The following STPG2 variants were observed in gnomAD, a reference collection of about 807,000 sequenced individuals.
STPG2 encodes the protein sperm tail PG-rich repeat containing 2.
Under a neutral mutation model 54.2 loss-of-function variants are expected in STPG2, and 56 were observed. The ratio of observed to expected loss-of-function variants is 1.03; its 90% CI spans 0.83 to 1.29. The LOEUF (loss-of-function observed/expected upper bound fraction) is 1.29, where lower values mean the gene tolerates loss of function less well. Ranked by LOEUF, STPG2 falls within the 50% of genes most tolerant of loss-of-function variation. STPG2 has a pLI of 0.00. For missense variants in STPG2, 596 were observed against 544.9 expected (o/e 1.09, Z -0.93); for synonymous variants, 200 against 181.8 (o/e 1.10, Z -0.81).
chr4:98,078,364 G>T (rs1738236276), intron 5 of STPG2, among the ~76,000 whole-genome samples: 1 of 152,036 alleles, frequency 6.6e-6, no homozygotes, highest in South Asian at 2.1e-4. Context: ...TAAATTCCTT[G>T]AATAGCTAAG....
intron 9 of STPG2, among the ~76,000 whole-genome samples, chr4:97,745,263 CA>C (rs75326963): frequency 0.18 from 17,847 of 101,028 alleles, 1,638 homozygotes; most frequent in South Asian, 0.31. Context: ...AACAAAAAAA[CA>C]AAAAAAAAAA....
At chr4:98,056,115 C>T (rs548559219) in intron 5 of STPG2, among the ~76,000 whole-genome samples, 1 of 152,282 alleles carries the variant, frequency 6.6e-6, no homozygotes, top group Non-Finnish European at 1.5e-5. Flanking sequence ...TTTGCCCCCC[C>T]CCAAATAAAC....
At position 97,746,216 on chromosome 4, in the gene STPG2, C is replaced by T. The variant is rs567128689; in HGVS notation, c.1205-33402G>A. Among the ~76,000 whole-genome samples, 7 of 151,204 alleles carry T rather than the reference C, an allele frequency of 4.6e-5. No homozygotes were observed. The South Asian group carries it at 1.5e-3, about 31-fold the overall frequency. ...TCTATATATTCTATTACCTTGTATA[C>T]ACATAAAACATATAAATGTGTATCT... On this transcript the variant is annotated intron_variant, in intron 9 of 10. Transcript: ENST00000295268.
At chr4:97,635,578 G>T (rs1721486192) in intron 10 of STPG2, among the ~76,000 whole-genome samples, 1 of 152,160 alleles carries the variant, frequency 6.6e-6, no homozygotes, top group Non-Finnish European at 1.5e-5. Context: ...CCATCAGTGT[G>T]CTGTATTCAG....
rs145392907 is a variant in STPG2, at chr4:97,855,706, T to C, written c.1045-14774A>G. ...TTGTCAGTTTTGGCTTTTGTTGAAA[T>C]TGCTTTCAGTGTTTTTATCATGAAA... On this transcript the variant is annotated intron_variant, in intron 8 of 10. Transcript: ENST00000295268. Among the ~76,000 whole-genome samples, 236 of 152,324 alleles carry C rather than the reference T, an allele frequency of 1.5e-3. 5 individuals carry two copies. Among genetic ancestry groups the C allele is most frequent in the Admixed American group, 0.013 (202 of 15,298 alleles).
At chr4:97,813,903 G>A (rs1468833913) in intron 9 of STPG2, among the ~76,000 whole-genome samples, 1 of 151,940 alleles carries the variant, frequency 6.6e-6, no homozygotes, top group Non-Finnish European at 1.5e-5. Flanking sequence ...CTAAGGTTAG[G>A]TCATTCAAGT....
At position 97,997,444 on chromosome 4, in the gene STPG2, T is replaced by C. The variant is rs144696576; in HGVS notation, c.613-16126A>G. Among the ~76,000 whole-genome samples the C allele has an allele frequency of 2.4e-3, 371 of 152,256 alleles. 2 individuals carry two copies. Among genetic ancestry groups the C allele is most frequent in the Non-Finnish European group, 3.3e-3 (223 of 68,010 alleles). On this transcript the variant is annotated intron_variant, in intron 5 of 10. Coordinates refer to ENST00000295268, the MANE Select transcript of STPG2 (RefSeq NM_174952.3). The stretch of plus-strand genomic sequence containing the variant: ...CAATGGGGAAGGTGTTACTTTTAAA[T>C]GGCCAGATCTCACGAGAACTCACCC...
At chr4:97,890,256 T>C (rs1048144556) in intron 8 of STPG2, among the ~76,000 whole-genome samples, 1 of 152,002 alleles carries the variant, frequency 6.6e-6, no homozygotes. Flanking sequence ...TGGGTGAAGG[T>C]ATCTTAAAAG....
chr4:97,844,903 C>T (rs1296399138), intron 8 of STPG2, among the ~76,000 whole-genome samples: 1 of 151,838 alleles, frequency 6.6e-6, no homozygotes, highest in African/African-American at 2.4e-5. Context: ...TTCTATTGAT[C>T]TATCTTTCAG....
intron 5 of STPG2, among the ~76,000 whole-genome samples, chr4:98,088,312 C>T (rs1040590521): frequency 2.0e-5 from 3 of 152,140 alleles, no homozygotes; most frequent in African/African-American, 4.8e-5. Flanking sequence ...CTATATTTCA[C>T]ATATATGCTC....
chr4:97,553,935 T>C (rs1732021719), downstream of STPG2, among the ~76,000 whole-genome samples: 1 of 152,188 alleles, frequency 6.6e-6, no homozygotes, highest in African/African-American at 2.4e-5. Flanking sequence ...TATTGAGTCC[T>C]GCCATACAGA....
intron 9 of STPG2, among the ~76,000 whole-genome samples, chr4:97,718,522 T>C (rs572488241): frequency 6.6e-6 from 1 of 152,106 alleles, no homozygotes. Flanking sequence ...ATATTTCATT[T>C]ACAACTTAAA....
rs560113391 is a variant in STPG2 at position 97,560,971 on chromosome 4, T to C, written c.1321-1854A>G. Among the ~76,000 whole-genome samples the C allele has an allele frequency of 1.1e-4, 17 of 152,322 alleles. No homozygotes were observed. In the South Asian group the frequency reaches 2.9e-3, roughly 26 times the overall value. ...AGTCCTTTGGGTATATACCCAGTAA[T>C]GGGATGGCCGGGTCAAATGGTATTT... On this transcript the variant is annotated intron_variant, in intron 10 of 10. Transcript: ENST00000295268.
chr4:98,000,528 A>G (rs1483409706), intron 5 of STPG2, among the ~76,000 whole-genome samples: 1 of 152,192 alleles, frequency 6.6e-6, no homozygotes, highest in Non-Finnish European at 1.5e-5. Context: ...GTAGAAAAGA[A>G]CATATATCTA....
At chr4:97,802,401 A>T (rs1013141128) in intron 9 of STPG2, among the ~76,000 whole-genome samples, 1 of 152,190 alleles carries the variant, frequency 6.6e-6, no homozygotes, top group South Asian at 2.1e-4. Flanking sequence ...CTCTACACTG[A>T]CAAGGAGTTA....
chr4:97,747,952 A>G (rs910064039), intron 9 of STPG2, among the ~76,000 whole-genome samples: 11 of 151,580 alleles, frequency 7.3e-5, no homozygotes, highest in African/African-American at 2.7e-4. Flanking sequence ...CATGGCTAGT[A>G]AGACATAAGG....
chr4:97,631,846 T>C (rs1721292663), intron 10 of STPG2, among the ~76,000 whole-genome samples: 1 of 152,096 alleles, frequency 6.6e-6, no homozygotes, highest in African/African-American at 2.4e-5. Context: ...GTATGTGCTG[T>C]GCAAAAAGTA....
chr4:98,141,930 G>A (rs919171263), intron 1 of STPG2, among the ~76,000 whole-genome samples: 2 of 113,346 alleles, frequency 1.8e-5, no homozygotes, highest in East Asian at 2.6e-4. Context: ...ACTCTTCCAA[G>A]ACAGTAGTTG....
At chr4:97,574,716 G>A (rs1413652880) in intron 10 of STPG2, among the ~76,000 whole-genome samples, 4 of 152,028 alleles carry the variant, frequency 2.6e-5, no homozygotes, top group African/African-American at 9.7e-5. Flanking sequence ...CAAAAAAGTG[G>A]TGGGAGGAGG....
Sources: allele counts gnomAD v4.1 joint callset (sites outside exome capture counted in the v4.1 genomes callset), GRCh38; gene constraint gnomAD v4.1.1; transcripts MANE v1.5; gene names NCBI Gene and HGNC (gene_info 2026-07-23, HGNC 2026-07-21).